The following MYO9A variants were observed in gnomAD, a reference collection of about 807,000 sequenced individuals.
MYO9A encodes unconventional myosin-IXa.
MYO9A carries 103 observed loss-of-function variants against 293.3 expected under a neutral mutation model. The observed-to-expected ratio is 0.35, with a 90% CI of 0.30 to 0.41. MYO9A has a LOEUF of 0.41. Ranked by LOEUF, MYO9A falls within the 10% of genes least tolerant of loss-of-function variation. The pLI is 1.00. For missense variants in MYO9A, 2,685 were observed against 3,033.0 expected (o/e 0.89, Z 2.69); for synonymous variants, 1,001 against 1,035.7 (o/e 0.97, Z 0.64).
At chr15:71,942,855 C>G (rs2058814242) in intron 15 of MYO9A, among the ~76,000 whole-genome samples, 2 of 151,990 alleles carry the variant, frequency 1.3e-5, no homozygotes, top group Admixed American at 1.3e-4. Context: ...TATACATTTA[C>G]CAAGTTCTTT....
rs139217146 is a variant in MYO9A at position 71,908,963 on chromosome 15, A to G, written c.2686-3957T>C. Among the ~76,000 whole-genome samples, 1,114 of 151,922 alleles carry G rather than the reference A, an allele frequency of 7.3e-3. 14 individuals are homozygous for G. Among genetic ancestry groups the G allele is most frequent in the Admixed American group, 9.3e-3 (142 of 15,248 alleles). On this transcript the variant is annotated intron_variant, in intron 19 of 41. Coordinates refer to ENST00000356056, the MANE Select transcript of MYO9A (RefSeq NM_006901.4). ...ACTACTGATCTTTTTTACTGTCTCC[A>G]TAGTTTTGTTTTTTCCAGAATGTCA...
intron 15 of MYO9A, among the ~76,000 whole-genome samples, chr15:71,947,775 C>G (rs1358258465): frequency 6.6e-6 from 1 of 152,168 alleles, no homozygotes; most frequent in Non-Finnish European, 1.5e-5. Context: ...GATCCTTCAT[C>G]TTGCTGATGC....
chr15:71,974,217 GA>G (rs373984278), intron 12 of MYO9A, among the ~76,000 whole-genome samples: 4 of 151,226 alleles, frequency 2.6e-5, no homozygotes, highest in East Asian at 1.9e-4. Context: ...CAACAAAGAG[GA>G]AAAAAAAATC....
In MYO9A at chr15:71,935,383, G is replaced by A. The variant is rs747516947; in HGVS notation, c.2480C>T (p.Ser827Leu). The change falls in exon 17 of 42, where the codon TCA becomes TTA. Residue 827 changes from serine to leucine, a missense_variant. By Grantham distance (145) the Ser-to-Leu change is moderately radical. Coordinates refer to ENST00000356056, the MANE Select transcript of MYO9A (RefSeq NM_006901.4). ...TCTCTCCAGGAGTTTGCTGCTAGTT[G>A]AATTAGCAAATATTCCATCTTTATC... Reference protein sequence around the residue: ...LLDKDGIFANSTSSKLLERAH... With the variant: ...LLDKDGIFANLTSSKLLERAH... 2.5e-6 allele frequency: 4 copies of A among 1,613,416 alleles called. No individual in the cohort carries two copies. The South Asian group carries it at 3.3e-5, about 13-fold the overall frequency.
At chr15:72,117,343 C>A (rs1332015836) in intron 1 of MYO9A, among the ~76,000 whole-genome samples, 4 of 152,200 alleles carry the variant, frequency 2.6e-5, no homozygotes, top group Admixed American at 2.6e-4. Flanking sequence ...GTAATCACGT[C>A]AGCCCAAGGG....
intron 1 of MYO9A, among the ~76,000 whole-genome samples, chr15:72,047,335 A>G (rs527917513): frequency 6.6e-6 from 1 of 152,320 alleles, no homozygotes; most frequent in East Asian, 1.9e-4. Flanking sequence ...AATTTTATTC[A>G]GCTTCCCTTT....
intron 3 of MYO9A, among the ~76,000 whole-genome samples, chr15:72,029,529 A>AT (rs1056420915): frequency 3.3e-5 from 5 of 152,190 alleles, no homozygotes; most frequent in Admixed American, 2.0e-4. Flanking sequence ...TTAAAATCTC[A>AT]TAGGACTACC....
rs142695910 is a variant in MYO9A, at chr15:71,862,591, G to A, written c.6000C>T (p.His2000=). Residue 2000 remains histidine (H), a synonymous_variant, in exon 33 of 42, where the codon CAC becomes CAT. Transcript: ENST00000356056. ...ETDLVEEHNG[H]IFKATQYSIP... ...TGCTATATTGGGTGGCTTTAAAGAT[G>A]TGACCATTGTGTTCTTCCACCTGAA... 3 of 1,611,058 alleles carry A rather than the reference G, an allele frequency of 1.9e-6. No homozygotes were observed. The highest frequency in any genetic ancestry group is 1.3e-5 in the African/African-American group (1 of 74,960).
At chr15:72,025,526 A>G (rs1273277030) in intron 4 of MYO9A, among the ~76,000 whole-genome samples, 2 of 152,098 alleles carry the variant, frequency 1.3e-5, no homozygotes, top group Non-Finnish European at 2.9e-5. Flanking sequence ...ACACCTGGAT[A>G]GTTTCTATAC....
At chr15:72,082,548 T>A (rs138651902) in intron 1 of MYO9A, among the ~76,000 whole-genome samples, 36 of 152,234 alleles carry the variant, frequency 2.4e-4, no homozygotes, top group African/African-American at 8.7e-4. Flanking sequence ...TTCCCTTGCC[T>A]GATTCCTCTG....
chr15:71,827,874 G>T lies in MYO9A; in HGVS notation c.7183+10C>A. 1 of 1,610,080 alleles carries T rather than the reference G, an allele frequency of 6.2e-7. No individual in the cohort carries two copies. The highest frequency in any genetic ancestry group is 8.5e-7 in the Non-Finnish European group (1 of 1,178,670). ...AAATCTGGAGTCTTTGGTCTACCATGTTCACTTACCTGATTTCTCAGAGAT... is the reference window on the plus strand; with the variant it reads ...AAATCTGGAGTCTTTGGTCTACCATTTTCACTTACCTGATTTCTCAGAGAT... On this transcript the variant is annotated intron_variant, in intron 41 of 41. Coordinates refer to ENST00000356056, the MANE Select transcript of MYO9A (RefSeq NM_006901.4).
chr15:71,876,566 G>T (rs904803842), intron 31 of MYO9A, among the ~76,000 whole-genome samples: 1 of 149,974 alleles, frequency 6.7e-6, no homozygotes, highest in African/African-American at 2.5e-5. Flanking sequence ...CTCCCAAGTA[G>T]CTGGGACTAC....
intron 1 of MYO9A, among the ~76,000 whole-genome samples, chr15:72,076,658 T>C (rs1248810175): frequency 1.3e-5 from 2 of 152,196 alleles, no homozygotes; most frequent in Non-Finnish European, 2.9e-5. Context: ...ATTACTAAGA[T>C]GTGAATTTCC....
intron 11 of MYO9A, among the ~76,000 whole-genome samples, chr15:71,978,636 C>T (rs1328478530): frequency 6.6e-6 from 1 of 152,002 alleles, no homozygotes; most frequent in East Asian, 1.9e-4. Flanking sequence ...TGACTTTAAG[C>T]CATCAAAAAG....
At chr15:71,993,954 CAAA>C (rs34602189) in intron 10 of MYO9A, among the ~76,000 whole-genome samples, 1 of 119,800 alleles carries the variant, frequency 8.3e-6, no homozygotes. Flanking sequence ...GACACCGTCT[CAAA>C]AAAAAAAAAA....
At chr15:71,844,500 G>T (rs2055299512) in intron 39 of MYO9A, among the ~76,000 whole-genome samples, 1 of 152,100 alleles carries the variant, frequency 6.6e-6, no homozygotes, top group Non-Finnish European at 1.5e-5. Flanking sequence ...CTCTAATGTG[G>T]GGGATCTGAG....
intron 1 of MYO9A, among the ~76,000 whole-genome samples, chr15:72,069,429 TAAATA>T (rs1311689650): frequency 6.6e-6 from 1 of 151,926 alleles, no homozygotes; most frequent in Non-Finnish European, 1.5e-5. Flanking sequence ...CATTCAAAAA[TAAATA>T]AAATAAATAA....
At chr15:72,060,406 TA>T (rs1053369264) in intron 1 of MYO9A, among the ~76,000 whole-genome samples, 1 of 151,594 alleles carries the variant, frequency 6.6e-6, no homozygotes, top group Non-Finnish European at 1.5e-5. Flanking sequence ...AAAATAAAAA[TA>T]AAAAATAAAT....
At chr15:71,989,481 T>G (rs183806569) in intron 11 of MYO9A, among the ~76,000 whole-genome samples, 224 of 152,290 alleles carry the variant, frequency 1.5e-3, no homozygotes, top group African/African-American at 4.7e-3. Flanking sequence ...CAGTCAGCCC[T>G]CTGTATATGC....
Sources: allele counts gnomAD v4.1 joint callset (sites outside exome capture counted in the v4.1 genomes callset), GRCh38; gene constraint gnomAD v4.1.1; transcripts MANE v1.5; gene names NCBI Gene and HGNC (gene_info 2026-07-23, HGNC 2026-07-21).